Variants in DIP2B observed in about 807,000 individuals in gnomAD.
DIP2B encodes the protein disco-interacting protein 2 homolog B.
In DIP2B, 76 loss-of-function variants were observed where a neutral mutation model predicts 198.0. The ratio of observed to expected loss-of-function variants is 0.38; its 90% CI spans 0.32 to 0.46. The LOEUF (loss-of-function observed/expected upper bound fraction) is 0.46. Among genes scored for constraint, DIP2B ranks in the 20% least tolerant of loss-of-function variants. The pLI is 0.99. For synonymous variants in DIP2B, 701 were observed against 739.1 expected, an observed-to-expected ratio of 0.95 and a Z score of 0.84; for missense variants, 1,559 against 1,978.4, an observed-to-expected ratio of 0.79 and a Z score of 4.02.
intron 1 of DIP2B, among the ~76,000 whole-genome samples, chr12:50,617,451 G>A (rs1037909706): frequency 6.6e-6 from 1 of 151,180 alleles, no homozygotes; most frequent in East Asian, 2.0e-4. Context: ...CACCGCACCC[G>A]GCCTTTTTTG....
At chr12:50,556,328 A>ATGAGCCATAGTGCTGGGATTACAGGCG (rs1958470724) in intron 1 of DIP2B, among the ~76,000 whole-genome samples, 1 of 152,096 alleles carries the variant, frequency 6.6e-6, no homozygotes, top group East Asian at 1.9e-4. Flanking sequence ...GATTACAGGC[A>ATGAGCCATAGTGCTGGGATTACAGGCG]TGAGCCATAG....
intron 8 of DIP2B, chr12:50,680,278 A>AC (rs1939018045): frequency 1.3e-5 from 2 of 153,570 alleles, no homozygotes; most frequent in African/African-American, 2.4e-5. Context: ...AAAAAAAAAA[A>AC]AAAACTTAGA....
At chr12:50,609,310 C>G (rs144898171) in intron 1 of DIP2B, among the ~76,000 whole-genome samples, 1 of 152,324 alleles carries the variant, frequency 6.6e-6, no homozygotes, top group East Asian at 1.9e-4. Flanking sequence ...TGAAAATTGT[C>G]TCATTTGCTT....
chr12:50,618,292 G>A (rs1294869786), intron 1 of DIP2B, among the ~76,000 whole-genome samples: 3 of 152,208 alleles, frequency 2.0e-5, no homozygotes, highest in African/African-American at 7.2e-5. Context: ...TCAACGTCAA[G>A]TGTCTGAGGA....
intron 14 of DIP2B, among the ~76,000 whole-genome samples, chr12:50,693,995 A>G (rs1026511367): frequency 2.6e-5 from 4 of 152,126 alleles, no homozygotes; most frequent in South Asian, 2.1e-4. Flanking sequence ...GAGACCCTAA[A>G]TTGCATGACC....
intron 1 of DIP2B, among the ~76,000 whole-genome samples, chr12:50,586,849 A>G (rs1017101445): frequency 6.6e-6 from 1 of 152,248 alleles, no homozygotes; most frequent in Non-Finnish European, 1.5e-5. Context: ...TTGGGATTAC[A>G]GGCGTGAGCC....
At chr12:50,691,534 G>A (rs1301066434) in intron 13 of DIP2B, among the ~76,000 whole-genome samples, 1 of 152,072 alleles carries the variant, frequency 6.6e-6, no homozygotes, top group Non-Finnish European at 1.5e-5. Context: ...AAATGTATTC[G>A]ATATTTTTGA....
At chr12:50,703,847 C>G (rs1003515113) in intron 19 of DIP2B, among the ~76,000 whole-genome samples, 1 of 147,242 alleles carries the variant, frequency 6.8e-6, no homozygotes, top group African/African-American at 2.5e-5. Flanking sequence ...CGTGGAAAAG[C>G]AAGTTGCAAA....
At chr12:50,657,149 C>T (rs899750817) in intron 3 of DIP2B, 6 of 142,038 alleles carry the variant, frequency 4.2e-5, no homozygotes, top group African/African-American at 1.3e-4. Context: ...TTTTGGATGC[C>T]AAGGCAGGAG....
intron 1 of DIP2B, among the ~76,000 whole-genome samples, chr12:50,566,851 A>G (rs1220320868): frequency 6.6e-6 from 1 of 151,936 alleles, no homozygotes; most frequent in African/African-American, 2.4e-5. Flanking sequence ...GGGCGCCTGT[A>G]GTCCCAGCTA....
Position 50,714,417 on chromosome 12 carries a change from T to G in DIP2B, c.2672T>G (p.Val891Gly). The G allele has an allele frequency of 1.2e-6, 2 of 1,614,236 alleles. No homozygotes were observed. The highest frequency in any genetic ancestry group is 2.2e-5 in the East Asian group (1 of 44,886). ...VLQAIDSIHQ[V>G]GVYCLALVPA... ...TAGGCGATCGATAGCATTCATCAAG[T>G]GGGGGTTTATTGTCTTGCTCTGGTG... is the stretch of plus-strand genomic sequence containing the variant. Residue 891 changes from valine to glycine, a missense_variant, in exon 23 of 38, where the codon GTG (valine) becomes GGG (glycine). Val to Gly is a moderately radical substitution (Grantham distance 109). Coordinates refer to ENST00000301180, the MANE Select transcript of DIP2B (RefSeq NM_173602.3).
At chr12:50,592,630 A>AAAT (rs1218373996) in intron 1 of DIP2B, among the ~76,000 whole-genome samples, 1 of 152,042 alleles carries the variant, frequency 6.6e-6, no homozygotes, top group African/African-American at 2.4e-5. Context: ...GGCACACGCC[A>AAAT]CTACGCCTGG....
intron 1 of DIP2B, among the ~76,000 whole-genome samples, chr12:50,576,984 C>T (rs1427048596): frequency 6.6e-6 from 1 of 151,922 alleles, no homozygotes; most frequent in African/African-American, 2.4e-5. Context: ...CTGCCTCAGC[C>T]TCCTGAGTAG....
At chr12:50,587,083 A>G (rs1593632014) in intron 1 of DIP2B, among the ~76,000 whole-genome samples, 1 of 152,122 alleles carries the variant, frequency 6.6e-6, no homozygotes, top group Non-Finnish European at 1.5e-5. Flanking sequence ...AAAAATAAGT[A>G]TCCTATTGCA....
intron 10 of DIP2B, among the ~76,000 whole-genome samples, chr12:50,684,484 A>G (rs2139539571): frequency 6.6e-6 from 1 of 152,306 alleles, no homozygotes; most frequent in Middle Eastern, 3.4e-3. Flanking sequence ...AATATGTTGG[A>G]GGATGTGGAT....
chr12:50,529,870 A>G (rs2139362225), intron 1 of DIP2B, among the ~76,000 whole-genome samples: 1 of 152,272 alleles, frequency 6.6e-6, no homozygotes, highest in African/African-American at 2.4e-5. Context: ...AAAAAAGAAA[A>G]AAGAAAAAAG....
intron 1 of DIP2B, among the ~76,000 whole-genome samples, chr12:50,578,015 T>G (rs532579116): frequency 6.6e-6 from 1 of 152,346 alleles, no homozygotes; most frequent in East Asian, 1.9e-4. Context: ...TGATGTGTGT[T>G]GCACTATTTT....
chr12:50,629,907 C>T (rs1481609550), intron 2 of DIP2B, among the ~76,000 whole-genome samples: 2 of 151,486 alleles, frequency 1.3e-5, no homozygotes, highest in Non-Finnish European at 2.9e-5. Context: ...CAACCCCTAT[C>T]AGTTTTCTGT....
chr12:50,648,845 A>G (rs1008075881), intron 3 of DIP2B, among the ~76,000 whole-genome samples: 4 of 152,204 alleles, frequency 2.6e-5, no homozygotes, highest in African/African-American at 9.6e-5. Context: ...CTGTATTTAC[A>G]GTTTATGTGA....
Sources: allele counts gnomAD v4.1 joint callset (sites outside exome capture counted in the v4.1 genomes callset), GRCh38; gene constraint gnomAD v4.1.1; transcripts MANE v1.5; gene names NCBI Gene and HGNC (gene_info 2026-07-23, HGNC 2026-07-21).